Variants in ATP6V1E1 observed in about 807,000 individuals in gnomAD.
ATP6V1E1 encodes V-type proton ATPase subunit E 1.
ATP6V1E1 carries 21 observed loss-of-function variants against 35.2 expected under a neutral mutation model. The observed-to-expected ratio is 0.60, with a 90% CI of 0.42 to 0.86. The LOEUF is 0.86. Ranked by LOEUF, ATP6V1E1 falls within the 40% of genes least tolerant of loss-of-function variation. The pLI, the probability that ATP6V1E1 is intolerant of heterozygous loss-of-function variation, is 0.00. For missense variants in ATP6V1E1, 183 were observed against 272.6 expected (o/e 0.67, Z 2.32); for synonymous variants, 83 against 87.8 (o/e 0.95, Z 0.30).
At position 17,598,277 on chromosome 22, in the gene ATP6V1E1, C is replaced by G. The variant is rs45454996; in HGVS notation, c.447G>C (p.Gln149His). The change falls in exon 7 of 9, where the codon CAG becomes CAC. Residue 149 changes from glutamine to histidine, a missense_variant. Physicochemically the swap from Gln to His is conservative, Grantham distance 24. Coordinates refer to ENST00000253413, the MANE Select transcript of ATP6V1E1 (RefSeq NM_001696.4). ...CAATTTTGTACATAGGAATTGCCTTCTGCACTGCAGCCTGGAAGTATAGAA... is the reference window on the plus strand; with the variant it reads ...CAATTTTGTACATAGGAATTGCCTTGTGCACTGCAGCCTGGAAGTATAGAA... ...QDFPLVKAAVQKAIPMYKIAT... is the reference protein window; with the variant it reads ...QDFPLVKAAVHKAIPMYKIAT... 3 of 1,613,540 alleles carry G rather than the reference C, an allele frequency of 1.9e-6. No homozygotes were observed. The highest frequency in any genetic ancestry group is 2.5e-6 in the Non-Finnish European group (3 of 1,179,490).
intron 7 of ATP6V1E1, among the ~76,000 whole-genome samples, chr22:17,597,844 G>A (rs983343082): frequency 5.3e-5 from 8 of 152,120 alleles, no homozygotes; most frequent in African/African-American, 1.9e-4. Context: ...AGCAGAGGGT[G>A]GACTGGTATG....
rs4819610 is a variant in ATP6V1E1 at position 17,605,695 on chromosome 22, T to C, written c.277-4514A>G. On this transcript the variant is annotated intron_variant, in intron 4 of 8. Transcript: ENST00000253413. ...ATAAGCTTTAGGTAGATGTTTCTCTTTTTTTTTTTTTTTTTTTTTTGAGAC... is the reference window on the plus strand; with the variant it reads ...ATAAGCTTTAGGTAGATGTTTCTCTCTTTTTTTTTTTTTTTTTTTTGAGAC... Among the ~76,000 whole-genome samples the C allele has an allele frequency of 2.2e-3, 131 of 59,266 alleles. 1 individual carries two copies. Among genetic ancestry groups the C allele is most frequent in the Middle Eastern group, 8.2e-3 (1 of 122 alleles). The allele number at this position is 59,266 out of a possible 152,430, so 38.9% of individuals were successfully genotyped here.
intron 2 of ATP6V1E1, chr22:17,618,964 C>A (rs879913131): frequency 1.3e-5 from 6 of 453,156 alleles, no homozygotes; most frequent in Admixed American, 2.4e-5. Context: ...CAGGCCACTG[C>A]ACTGCAGTCC....
chr22:17,623,286 AG>A (rs1350946220), intron 1 of ATP6V1E1, among the ~76,000 whole-genome samples: 2 of 152,202 alleles, frequency 1.3e-5, no homozygotes, highest in Non-Finnish European at 2.9e-5. Flanking sequence ...CTTGCTTAAA[AG>A]ATCAGCTCCA....
chr22:17,625,086 G>A (rs1287955735), intron 1 of ATP6V1E1, among the ~76,000 whole-genome samples: 2 of 152,100 alleles, frequency 1.3e-5, no homozygotes, highest in Non-Finnish European at 1.5e-5. Flanking sequence ...AAACCCTTTG[G>A]TTCTGTAAGA....
chr22:17,597,384 A>G (rs1198340244), intron 7 of ATP6V1E1, among the ~76,000 whole-genome samples: 2 of 151,950 alleles, frequency 1.3e-5, no homozygotes, highest in Non-Finnish European at 2.9e-5. Flanking sequence ...TACCCCAGCT[A>G]CACAAAGCTT....
Position 17,600,030 on chromosome 22 carries a change from T to TA in ATP6V1E1, c.431dup (p.Ala146GlyfsTer19). The TA allele has an allele frequency of 6.2e-7, 1 of 1,601,278 alleles. No individual in the cohort carries two copies. Among genetic ancestry groups the TA allele is most frequent in the Non-Finnish European group, 8.6e-7 (1 of 1,169,462 alleles). ...AAAATTATCCTAAGTTCTTTACCTTTACCAGAGGGAAATCTTGTTTCCTGC... is the reference window on the plus strand; with the variant it reads ...AAAATTATCCTAAGTTCTTTACCTTTAACCAGAGGGAAATCTTGTTTCCTGC... On this transcript the variant is annotated frameshift_variant, in exon 6 of 9. Transcript: ENST00000253413. LOFTEE classifies it high-confidence loss of function.
In ATP6V1E1 at chr22:17,628,707, G is replaced by A. The variant is rs958987912; in HGVS notation, c.-72C>T. On this transcript the variant is annotated 5_prime_UTR_variant, in exon 1 of 9. Transcript: ENST00000253413. ...TTGAAAGGTGAGGTGAGAGAAATCGGCAAAGGGAACCCCTGCGCAGATCTC... is the reference window on the plus strand; with the variant it reads ...TTGAAAGGTGAGGTGAGAGAAATCGACAAAGGGAACCCCTGCGCAGATCTC... The A allele has an allele frequency of 1.3e-6, 2 of 1,599,156 alleles. No individual in the cohort carries two copies. Among genetic ancestry groups the A allele is most frequent in the Admixed American group, 1.7e-5 (1 of 59,996 alleles).
intron 4 of ATP6V1E1, among the ~76,000 whole-genome samples, chr22:17,604,496 A>G (rs1267664008): frequency 6.6e-6 from 1 of 151,498 alleles, no homozygotes; most frequent in Non-Finnish European, 1.5e-5. Context: ...TAGTCTGAAG[A>G]GTCAGTGGGC....
At chr22:17,617,035 G>A (rs1400023350) in intron 2 of ATP6V1E1, among the ~76,000 whole-genome samples, 2 of 61,286 alleles carry the variant, frequency 3.3e-5, no homozygotes, top group Non-Finnish European at 7.1e-5. Flanking sequence ...GCGACAGAGC[G>A]AGACTCCGTC....
intron 4 of ATP6V1E1, among the ~76,000 whole-genome samples, chr22:17,605,364 C>T (rs2057781480): frequency 6.6e-6 from 1 of 151,624 alleles, no homozygotes; most frequent in Non-Finnish European, 1.5e-5. Flanking sequence ...AACCCCATCT[C>T]TTCTAAAAAT....
Position 17,592,888 on chromosome 22 carries a change from C to T in ATP6V1E1, c.619-152G>A, listed in dbSNP as rs116828335. 2.3e-3 allele frequency: 1,511 copies of T among 668,816 alleles called. 17 individuals are homozygous for T. In the African/African-American group the frequency reaches 0.024, roughly 11 times the overall value. 41.4% of individuals were successfully genotyped at this position (668,816 alleles called of 1,614,324 possible). A position where few individuals can be genotyped will look rare whatever the true frequency, so the allele number is the denominator to read the frequency against. ...CGCATCTCCGCTCATTGCAAGCTCA[C>T]GCCATTCTCCTGCCTCAGCCTCCCA... is the stretch of plus-strand genomic sequence containing the variant. On this transcript the variant is annotated intron_variant, in intron 8 of 8. Coordinates refer to ENST00000253413, the MANE Select transcript of ATP6V1E1 (RefSeq NM_001696.4).
chr22:17,627,085 G>T (rs927388969), intron 1 of ATP6V1E1, among the ~76,000 whole-genome samples: 1 of 152,064 alleles, frequency 6.6e-6, no homozygotes, highest in African/African-American at 2.4e-5. Context: ...CGCCTGCCGG[G>T]TTCAAGCGAT....
chr22:17,612,208 G>A (rs923063936), intron 4 of ATP6V1E1, among the ~76,000 whole-genome samples: 1 of 151,804 alleles, frequency 6.6e-6, no homozygotes, highest in African/African-American at 2.4e-5. Context: ...AGGAATCTAG[G>A]GCCTCCACAG....
At chr22:17,605,690 TCTC>T (rs2146302778) in intron 4 of ATP6V1E1, among the ~76,000 whole-genome samples, 1 of 66,420 alleles carries the variant, frequency 1.5e-5, no homozygotes, top group South Asian at 4.1e-4. Flanking sequence ...GGTAGATGTT[TCTC>T]TTTTTTTTTT....
intron 4 of ATP6V1E1, among the ~76,000 whole-genome samples, chr22:17,609,153 A>G (rs550724957): frequency 1.0e-4 from 15 of 145,148 alleles, no homozygotes; most frequent in Non-Finnish European, 2.0e-4. Flanking sequence ...ATTCCATACA[A>G]CTGCACTTCC....
intron 4 of ATP6V1E1, chr22:17,612,483 G>C: frequency 9.1e-6 from 2 of 220,014 alleles, no homozygotes; most frequent in Non-Finnish European, 1.8e-5. Context: ...GTTGAAAACA[G>C]GTGAAGCTCT....
rs1206176133 is a variant in ATP6V1E1, at chr22:17,592,718, C to T, written c.637G>A (p.Gly213Arg). The change falls in exon 9 of 9, where the codon GGA becomes AGA. Residue 213 changes from glycine (G) to arginine (R), a missense_variant. Coordinates refer to ENST00000253413, the MANE Select transcript of ATP6V1E1 (RefSeq NM_001696.4). ...TTGGCATTTGCACCAAACAAGGCTC[C>T]CCGGACTTCTGGCATCATCTGTGGA... The part of the protein sequence containing the change: ...IAQQMMPEVR[G>R]ALFGANANRK... 1.9e-6 allele frequency: 3 copies of T among 1,614,130 alleles called. No homozygotes were observed. The South Asian group carries it at 3.3e-5, about 18-fold the overall frequency.
chr22:17,598,963 T>C (rs1298712502), intron 6 of ATP6V1E1, among the ~76,000 whole-genome samples: 3 of 152,156 alleles, frequency 2.0e-5, no homozygotes, highest in Admixed American at 6.5e-5. Context: ...GGGGCATCCA[T>C]ACCGTGGAAT....
Sources: allele counts gnomAD v4.1 joint callset (sites outside exome capture counted in the v4.1 genomes callset), GRCh38; gene constraint gnomAD v4.1.1; transcripts MANE v1.5; gene names NCBI Gene and HGNC (gene_info 2026-07-23, HGNC 2026-07-21).